AIF1L: variants seen among roughly 807,000 people sequenced by gnomAD.
AIF1L encodes the protein allograft inflammatory factor 1-like.
Under a neutral mutation model 20.7 loss-of-function variants are expected in AIF1L, and 12 were observed. The ratio of observed to expected loss-of-function variants is 0.58; its 90% CI spans 0.37 to 0.94. AIF1L has a LOEUF of 0.94. Ranked by LOEUF, AIF1L falls within the 40% of genes least tolerant of loss-of-function variation. The pLI is 0.01. For synonymous variants in AIF1L, 76 were observed against 65.1 expected (o/e 1.17, Z -0.81); for missense variants, 173 against 185.3 (o/e 0.93, Z 0.39).
chr9:131,115,449 C>CAAAAAAAAAAA (rs746698091), intron 4 of AIF1L, among the ~76,000 whole-genome samples: 9 of 60,400 alleles, frequency 1.5e-4, no homozygotes, highest in African/African-American at 5.6e-4. Flanking sequence ...GATTCTGTCT[C>CAAAAAAAAAAA]AAAAAAAAAA....
chr9:131,106,871 G>A (rs572429682), intron 2 of AIF1L, among the ~76,000 whole-genome samples: 14 of 152,230 alleles, frequency 9.2e-5, no homozygotes, highest in South Asian at 2.1e-4. Flanking sequence ...CGAGGCAGTC[G>A]GATCACCTGA....
In AIF1L at chr9:131,120,379, G is replaced by A; in HGVS notation, c.*57G>A. 1 of 1,401,440 alleles carries A rather than the reference G, an allele frequency of 7.1e-7. No homozygotes were observed. Among genetic ancestry groups the A allele is most frequent in the Non-Finnish European group, 9.8e-7 (1 of 1,017,650 alleles). 86.8% of individuals were successfully genotyped at this position (1,401,440 alleles called of 1,614,324 possible). A position where few individuals can be genotyped will look rare whatever the true frequency, so the allele number is the denominator to read the frequency against. ...CCCATACCTCCCTCCCGATCTTGCT[G>A]CCCTTCTTGACACACTGTGATCTCT... On this transcript the variant is annotated 3_prime_UTR_variant, in exon 6 of 6. Transcript: ENST00000247291.
chr9:131,111,622 G>A lies in AIF1L; in HGVS notation c.119G>A (p.Ser40Asn), dbSNP rs1588185292. Residue 40 changes from serine (S) to asparagine (N), a missense_variant, in exon 3 of 6, where the codon AGT becomes AAT. Transcript: ENST00000247291. ...NREFLCDQKYSDEENLPEKLT... is the reference protein window; with the variant it reads ...NREFLCDQKYNDEENLPEKLT... ...GAGTTTCTGTGTGACCAGAAGTACA[G>A]TGATGAAGAGAACCTTCCAGAAAAG... 1.2e-6 allele frequency: 2 copies of A among 1,614,064 alleles called. No individual in the cohort carries two copies. The highest frequency in any genetic ancestry group is 3.3e-4 in the Middle Eastern group (2 of 6,062).
At chr9:131,104,448 T>C (rs1314294152) in intron 2 of AIF1L, among the ~76,000 whole-genome samples, 2 of 152,224 alleles carry the variant, frequency 1.3e-5, no homozygotes, top group Admixed American at 1.3e-4. Flanking sequence ...ATTGACTTTC[T>C]TTGCCCAGAA....
intron 2 of AIF1L, among the ~76,000 whole-genome samples, chr9:131,102,556 G>A (rs1830661627): frequency 6.6e-6 from 1 of 152,254 alleles, no homozygotes; most frequent in Admixed American, 6.5e-5. Context: ...TGACCTTGGT[G>A]TGGCCGTGTC....
chr9:131,113,334 T>A (rs1830936832), intron 3 of AIF1L, among the ~76,000 whole-genome samples: 1 of 151,518 alleles, frequency 6.6e-6, no homozygotes, highest in African/African-American at 2.4e-5. Context: ...CCCATCTCTA[T>A]TAAAAATACA....
chr9:131,096,603 G>T lies in AIF1L; in HGVS notation c.-27G>T. 6.7e-7 allele frequency: 1 copy of T among 1,484,690 alleles called. No individual in the cohort carries two copies. The allele number at this position is 1,484,690 out of a possible 1,614,324, so 92.0% of individuals were successfully genotyped here. ...GTCCCTCGCCGCGTCCGCGAAGCCT[G>T]GAGCCGGCGGGAGCCCCGCGCTCGC... On this transcript the variant is annotated 5_prime_UTR_variant, in exon 1 of 6. Transcript: ENST00000247291.
intron 4 of AIF1L, among the ~76,000 whole-genome samples, chr9:131,116,421 G>A (rs1329037770): frequency 3.9e-5 from 6 of 152,086 alleles, no homozygotes; most frequent in African/African-American, 7.2e-5. Flanking sequence ...GCACCACCAC[G>A]CCCGGCTAAT....
chr9:131,102,800 T>C (rs1830665918), intron 2 of AIF1L: 1 of 433,768 alleles, frequency 2.3e-6, no homozygotes, highest in Non-Finnish European at 4.7e-6. Flanking sequence ...GCCTGTGGGC[T>C]GCGTCAGAGG....
chr9:131,103,783 T>C (rs1420989438), intron 2 of AIF1L, among the ~76,000 whole-genome samples: 2 of 152,190 alleles, frequency 1.3e-5, no homozygotes, highest in Non-Finnish European at 1.5e-5. Context: ...ACAGGTAAAG[T>C]TGCCCTGCCC....
At chr9:131,117,679 G>A in intron 4 of AIF1L, 77 bp from the exon 5 acceptor site, 8 of 1,478,440 alleles carry the variant, frequency 5.4e-6, no homozygotes, top group Non-Finnish European at 7.2e-6. Context: ...TGGGGTGCCT[G>A]AGTGGAGCTT....
At chr9:131,119,171 GC>G (rs113828807) in intron 5 of AIF1L, among the ~76,000 whole-genome samples, 125,069 of 152,096 alleles carry the variant, frequency 0.82, 53,588 homozygotes, top group Non-Finnish European at 0.94. Flanking sequence ...TTACAGCATT[GC>G]CCCAGGGCAG....
At chr9:131,119,686 C>T (rs1281212525) in intron 5 of AIF1L, among the ~76,000 whole-genome samples, 3 of 152,204 alleles carry the variant, frequency 2.0e-5, no homozygotes, top group Non-Finnish European at 4.4e-5. Context: ...GCCAGATCTT[C>T]TAGCACCCCA....
At chr9:131,115,123 C>A (rs1310946265) in intron 4 of AIF1L, among the ~76,000 whole-genome samples, 3 of 152,166 alleles carry the variant, frequency 2.0e-5, no homozygotes, top group Non-Finnish European at 4.4e-5. Context: ...GTTTAATTAT[C>A]CCCATTTTAC....
chr9:131,114,608 A>G lies in AIF1L; in HGVS notation c.192A>G (p.Glu64=). The part of the protein sequence containing the change: ...EKYMEFDLNN[E]GEIDLMSLKR... ...ACATGGAGTTTGACCTGAACAATGAAGGCGAGATTGGTGAGTGAAGCCTTG... is the reference window on the plus strand; with the variant it reads ...ACATGGAGTTTGACCTGAACAATGAGGGCGAGATTGGTGAGTGAAGCCTTG... The change falls in exon 4 of 6, where the codon GAA becomes GAG. Residue 64 remains glutamate, a synonymous_variant. Coordinates refer to ENST00000247291, the MANE Select transcript of AIF1L (RefSeq NM_031426.4). 4 of 1,614,112 alleles carry G rather than the reference A, an allele frequency of 2.5e-6. No homozygotes were observed. Among genetic ancestry groups the G allele is most frequent in the South Asian group, 1.1e-5 (1 of 91,086 alleles).
At chr9:131,109,909 TATA>T (rs1280365643) in intron 2 of AIF1L, among the ~76,000 whole-genome samples, 7 of 151,814 alleles carry the variant, frequency 4.6e-5, no homozygotes, top group Non-Finnish European at 8.8e-5. Context: ...GCAAAATGGG[TATA>T]ATAATAGTAG....
At chr9:131,108,203 T>TC (rs1830793582) in intron 2 of AIF1L, 1 of 96,122 alleles carries the variant, frequency 1.0e-5, no homozygotes, top group Non-Finnish European at 2.3e-5. Flanking sequence ...TGTGAACCTT[T>TC]TTTTTTTTTT....
At chr9:131,111,859 C>T (rs1298317616) in intron 3 of AIF1L, 196 bp downstream of exon 3, 2 of 517,094 alleles carry the variant, frequency 3.9e-6, no homozygotes, top group Non-Finnish European at 6.7e-6. Context: ...TGCCTCCCTG[C>T]CCCTGCGGGC....
At chr9:131,114,280 G>C in intron 3 of AIF1L, 1 of 392,512 alleles carries the variant, frequency 2.5e-6, no homozygotes, top group Admixed American at 3.6e-5. Context: ...AGATGCAGCT[G>C]GTCTGTGCTG....
Sources: allele counts gnomAD v4.1 joint callset (sites outside exome capture counted in the v4.1 genomes callset), GRCh38; gene constraint gnomAD v4.1.1; transcripts MANE v1.5; gene names NCBI Gene and HGNC (gene_info 2026-07-23, HGNC 2026-07-21).